Variants in SENP7 observed in about 807,000 individuals in gnomAD.
SENP7 encodes SUMO specific peptidase 7.
SENP7 carries 64 observed loss-of-function variants against 141.2 expected under a neutral mutation model. The observed-to-expected ratio is 0.45, with a 90% CI of 0.37 to 0.56. SENP7 has a LOEUF of 0.56. Ranked by LOEUF, SENP7 falls within the 20% of genes least tolerant of loss-of-function variation. The probability of loss-of-function intolerance (pLI) is 0.00; values close to 1 mark genes in which losing one functional copy is unlikely to be tolerated. For missense variants in SENP7, 1,025 were observed against 1,212.2 expected, an observed-to-expected ratio of 0.85 and a Z score of 2.29; for synonymous variants, 382 against 426.4, an observed-to-expected ratio of 0.90 and a Z score of 1.28.
chr3:101,395,034 T>G (rs2060928034), intron 6 of SENP7, among the ~76,000 whole-genome samples: 1 of 152,258 alleles, frequency 6.6e-6, no homozygotes, highest in South Asian at 2.1e-4. Flanking sequence ...ATTCCTCATA[T>G]ATTCTGGGTA....
At chr3:101,503,740 G>GT (rs2065481664) in intron 1 of SENP7, among the ~76,000 whole-genome samples, 1 of 152,136 alleles carries the variant, frequency 6.6e-6, no homozygotes, top group African/African-American at 2.4e-5. Context: ...GAGCTCAGGA[G>GT]TTTGAGAACA....
rs2065939928 is a variant in SENP7, at chr3:101,513,205, G to A, written c.-75C>T. The A allele has an allele frequency of 9.3e-6, 6 of 645,822 alleles. No homozygotes were observed. The highest frequency in any genetic ancestry group is 2.0e-5 in the South Asian group (1 of 50,520). 40.0% of individuals were successfully genotyped at this position (645,822 alleles called of 1,614,324 possible). A position where few individuals can be genotyped will look rare whatever the true frequency, so the allele number is the denominator to read the frequency against. ...CCTCCGGCTTGGAGAGGGAGGGGGA[G>A]GGGAAAGGAAAAAAAAAAAAAAAAA... On this transcript the variant is annotated 5_prime_UTR_variant, in exon 1 of 24. Transcript: ENST00000394095.
chr3:101,413,582 G>C (rs2061513379), intron 5 of SENP7, among the ~76,000 whole-genome samples: 1 of 152,070 alleles, frequency 6.6e-6, no homozygotes, highest in South Asian at 2.1e-4. Context: ...CTATCCTCAG[G>C]AAGTTTGCTA....
intron 3 of SENP7, among the ~76,000 whole-genome samples, chr3:101,493,514 T>C (rs2108108011): frequency 6.6e-6 from 1 of 152,340 alleles, no homozygotes; most frequent in African/African-American, 2.4e-5. Context: ...TGAAATATAG[T>C]TATATTACTC....
At chr3:101,348,157 A>G (rs760545180) in intron 12 of SENP7, 106 bp from the exon 13 acceptor site, 9 of 688,808 alleles carry the variant, frequency 1.3e-5, no homozygotes, top group Non-Finnish European at 1.7e-5. Flanking sequence ...TAAAAAAAAG[A>G]GAATTATATA....
chr3:101,396,825 T>G (rs1014176748), intron 6 of SENP7, among the ~76,000 whole-genome samples: 4 of 151,954 alleles, frequency 2.6e-5, no homozygotes, highest in Non-Finnish European at 5.9e-5. Flanking sequence ...GATAGGTACT[T>G]TTGTTGTTGT....
intron 4 of SENP7, among the ~76,000 whole-genome samples, chr3:101,438,094 T>C (rs1013231623): frequency 2.0e-5 from 3 of 152,196 alleles, no homozygotes; most frequent in Non-Finnish European, 2.9e-5. Context: ...GCAATTCCAC[T>C]TCTGGATATA....
At chr3:101,350,341 C>T (rs1487592316) in intron 12 of SENP7, among the ~76,000 whole-genome samples, 2 of 152,056 alleles carry the variant, frequency 1.3e-5, no homozygotes, top group Admixed American at 6.6e-5. Context: ...AATATAAATA[C>T]GGATAAATCA....
chr3:101,496,246 T>C (rs935849428), intron 2 of SENP7, among the ~76,000 whole-genome samples: 2 of 152,134 alleles, frequency 1.3e-5, no homozygotes, highest in African/African-American at 4.8e-5. Flanking sequence ...ATTTTAGAAA[T>C]ATTTCTTAAA....
chr3:101,380,469 A>G (rs959627453), intron 6 of SENP7, among the ~76,000 whole-genome samples: 1 of 149,948 alleles, frequency 6.7e-6, no homozygotes, highest in Non-Finnish European at 1.5e-5. Flanking sequence ...AAAACAAAAC[A>G]TAACTAATTT....
At chr3:101,328,406 A>G in intron 22 of SENP7, 72 bp downstream of exon 22, 1 of 1,031,246 alleles carries the variant, frequency 9.7e-7, no homozygotes, top group African/African-American at 1.6e-5. Flanking sequence ...CTTTTCAATA[A>G]TTCTGAAGGT....
chr3:101,479,921 A>C lies in SENP7; in HGVS notation c.186+13952T>G, dbSNP rs112642339. ...AAAAAAAAAAAAAAAAAAAAAAAAA[A>C]ACACACACACACACACACAAACAAA... On this transcript the variant is annotated intron_variant, in intron 3 of 23. Coordinates refer to ENST00000394095, the MANE Select transcript of SENP7 (RefSeq NM_020654.5). Among the ~76,000 whole-genome samples, 634 of 72,466 alleles carry C rather than the reference A, an allele frequency of 8.7e-3. 4 individuals are homozygous for C. The highest frequency in any genetic ancestry group is 0.011 in the South Asian group (22 of 2,036). 47.5% of individuals were successfully genotyped at this position (72,466 alleles called of 152,430 possible).
intron 4 of SENP7, among the ~76,000 whole-genome samples, chr3:101,433,527 A>C (rs2062264743): frequency 6.6e-6 from 1 of 152,146 alleles, no homozygotes; most frequent in Admixed American, 6.6e-5. Context: ...AAAGAAACAC[A>C]CTTCACCTAT....
At chr3:101,467,207 C>G (rs1023731146) in intron 3 of SENP7, among the ~76,000 whole-genome samples, 4 of 152,248 alleles carry the variant, frequency 2.6e-5, no homozygotes, top group African/African-American at 9.6e-5. Flanking sequence ...GAGCCCACCA[C>G]AGTTCAACAA....
intron 4 of SENP7, among the ~76,000 whole-genome samples, chr3:101,437,963 G>T (rs2062454670): frequency 6.6e-6 from 1 of 151,658 alleles, no homozygotes. Flanking sequence ...GTGTTGATGT[G>T]GATGTGAAGA....
intron 3 of SENP7, among the ~76,000 whole-genome samples, chr3:101,469,320 C>T (rs2063885956): frequency 6.6e-6 from 1 of 152,050 alleles, no homozygotes; most frequent in Admixed American, 6.6e-5. Context: ...TTTAACACAC[C>T]ACTGTCAATA....
intron 6 of SENP7, among the ~76,000 whole-genome samples, chr3:101,385,344 T>C (rs1162898311): frequency 1.3e-5 from 2 of 152,146 alleles, no homozygotes; most frequent in Non-Finnish European, 2.9e-5. Flanking sequence ...CAGCAGATTT[T>C]GGCAAAAGGC....
intron 6 of SENP7, among the ~76,000 whole-genome samples, chr3:101,389,855 T>G (rs2060760964): frequency 6.6e-6 from 1 of 152,004 alleles, no homozygotes; most frequent in African/African-American, 2.4e-5. Context: ...CAGAAAACAA[T>G]TTACAAAATG....
intron 11 of SENP7, chr3:101,357,738 A>C: frequency 1.5e-6 from 1 of 665,868 alleles, no homozygotes. Context: ...AACAGACATA[A>C]GACATACTGG....
Sources: gnomAD v4.1 joint callset for allele counts (sites outside exome capture counted in the v4.1 genomes callset) on GRCh38, gnomAD v4.1.1 for gene constraint, MANE v1.5 for transcripts, NCBI Gene and HGNC (gene_info 2026-07-23, HGNC 2026-07-21) for gene names.